GALNT18: variants seen among roughly 807,000 people sequenced by gnomAD.
GALNT18 encodes GalNAc-transferase 18.
GALNT18 carries 44 observed loss-of-function variants against 69.5 expected under a neutral mutation model. The observed-to-expected ratio is 0.63, with a 90% confidence interval of 0.50 to 0.81. The LOEUF is 0.81. Among genes scored for constraint, GALNT18 ranks in the 40% least tolerant of loss-of-function variants. The probability of loss-of-function intolerance (pLI) is 0.00; values close to 1 mark genes in which losing one functional copy is unlikely to be tolerated. For missense variants in GALNT18, 715 were observed against 810.0 expected (o/e 0.88, Z 1.42); for synonymous variants, 364 against 318.2 (o/e 1.14, Z -1.53).
chr11:11,491,314 C>A (rs1564976360), intron 1 of GALNT18, among the ~76,000 whole-genome samples: 1 of 152,224 alleles, frequency 6.6e-6, no homozygotes, highest in Non-Finnish European at 1.5e-5. Flanking sequence ...ATCCAAGAGC[C>A]ATGAGCAGTG....
At chr11:11,330,509 G>A (rs1849999532) in intron 8 of GALNT18, among the ~76,000 whole-genome samples, 1 of 152,184 alleles carries the variant, frequency 6.6e-6, no homozygotes, top group Admixed American at 6.5e-5. Context: ...AGGGAGGGGA[G>A]GCTGGCTGGG....
intron 10 of GALNT18, among the ~76,000 whole-genome samples, chr11:11,276,687 C>G (rs189557207): frequency 6.6e-6 from 1 of 152,084 alleles, no homozygotes; most frequent in Non-Finnish European, 1.5e-5. Flanking sequence ...TATGTTCCAT[C>G]GATACCTAGT....
chr11:11,290,196 G>A (rs4910295), intron 10 of GALNT18, among the ~76,000 whole-genome samples: 45,627 of 152,086 alleles, frequency 0.3, 7,866 homozygotes, highest in Non-Finnish European at 0.37. Flanking sequence ...TGGCCTTAGA[G>A]CCTGTGCTAA....
intron 1 of GALNT18, among the ~76,000 whole-genome samples, chr11:11,553,193 C>T (rs1476167183): frequency 1.3e-5 from 2 of 152,204 alleles, no homozygotes; most frequent in East Asian, 3.9e-4. Context: ...AGTTCGAGAA[C>T]CACTCTGAAG....
chr11:11,357,686 C>T (rs991054903), intron 6 of GALNT18, among the ~76,000 whole-genome samples: 2 of 152,180 alleles, frequency 1.3e-5, no homozygotes, highest in African/African-American at 4.8e-5. Flanking sequence ...CTTAACTTCT[C>T]TGAGCCTCAG....
intron 6 of GALNT18, among the ~76,000 whole-genome samples, chr11:11,367,142 G>A (rs886407125): frequency 6.6e-6 from 1 of 152,164 alleles, no homozygotes; most frequent in Non-Finnish European, 1.5e-5. Flanking sequence ...ATCACTCACA[G>A]CGAGGGATTC....
chr11:11,279,216 CA>C (rs1442606295), intron 10 of GALNT18, among the ~76,000 whole-genome samples: 1 of 152,202 alleles, frequency 6.6e-6, no homozygotes, highest in East Asian at 1.9e-4. Flanking sequence ...CTGCCATAAG[CA>C]AAAGCTTCCT....
chr11:11,385,426 G>A (rs920681782), intron 3 of GALNT18, among the ~76,000 whole-genome samples: 1 of 152,000 alleles, frequency 6.6e-6, no homozygotes, highest in South Asian at 2.1e-4. Context: ...CTCCCCAGCA[G>A]CTGGGACTAC....
rs1849722269 is a variant in GALNT18, at chr11:11,314,717, A to T, written c.1512+12369T>A. Among the ~76,000 whole-genome samples the T allele has an allele frequency of 6.6e-6, 1 of 152,198 alleles. No individual in the cohort carries two copies. The highest frequency in any genetic ancestry group is 2.4e-5 in the African/African-American group (1 of 41,460). On this transcript the variant is annotated intron_variant, in intron 9 of 10. Coordinates refer to ENST00000227756, the MANE Select transcript of GALNT18 (RefSeq NM_198516.3). The surrounding 1 kb of genome is among the most constrained non-coding windows in gnomAD (Gnocchi z 5.2). ...TAACTGCAGGCAGGTTCCAGGGGGC[A>T]GCTGTGAAAGTCCTTTGGGCTATGC...
At position 11,470,947 on chromosome 11, in the gene GALNT18, G is replaced by GGA. The variant is rs1175180768; in HGVS notation, c.236-22012_236-22011insTC. ...CAAACGTCCTGCCAAATGGCTTCTT[G>GGA]ATTTCTCCCCATTCATACTCAGGGG... is the stretch of plus-strand genomic sequence containing the variant. On this transcript the variant is annotated intron_variant, in intron 1 of 10. Coordinates refer to ENST00000227756, the MANE Select transcript of GALNT18 (RefSeq NM_198516.3). This position sits in a 1 kb window ranked among gnomAD's most constrained non-coding sequence, Gnocchi z 4.8. Among the ~76,000 whole-genome samples the GGA allele has an allele frequency of 3.2e-4, 48 of 152,092 alleles. No homozygotes were observed. The highest frequency in any genetic ancestry group is 6.0e-4 in the Non-Finnish European group (41 of 68,020).
At chr11:11,316,390 C>T (rs1404511190) in intron 9 of GALNT18, among the ~76,000 whole-genome samples, 2 of 152,108 alleles carry the variant, frequency 1.3e-5, no homozygotes, top group African/African-American at 4.8e-5. Flanking sequence ...TGAGATGTGA[C>T]GTGAAAGATA....
chr11:11,424,222 G>A (rs1040606377), intron 3 of GALNT18, among the ~76,000 whole-genome samples: 14 of 152,140 alleles, frequency 9.2e-5, no homozygotes, highest in Admixed American at 2.6e-4. Flanking sequence ...TGCATGTGGC[G>A]GCTGTCCTGG....
chr11:11,452,472 G>C (rs182148872), intron 1 of GALNT18, among the ~76,000 whole-genome samples: 5 of 152,334 alleles, frequency 3.3e-5, no homozygotes, highest in African/African-American at 1.2e-4. Flanking sequence ...TCGGGCCGCC[G>C]GAGTTGGGAC....
chr11:11,378,186 T>C (rs928688650), intron 4 of GALNT18, among the ~76,000 whole-genome samples: 3 of 152,226 alleles, frequency 2.0e-5, no homozygotes, highest in Non-Finnish European at 4.4e-5. Flanking sequence ...GGGCCTGTTA[T>C]GGCAGCATCC....
chr11:11,435,799 C>T lies in GALNT18; in HGVS notation c.429-3012G>A, dbSNP rs542743722. On this transcript the variant is annotated intron_variant, in intron 2 of 10. Coordinates refer to ENST00000227756, the MANE Select transcript of GALNT18 (RefSeq NM_198516.3). The surrounding 1 kb of genome is among the most constrained non-coding windows in gnomAD (Gnocchi z 4.4). ...GAGAGTCAGGTCCCGGTCCTCCCGC[C>T]GACCAGCAGGCTCCTGTTCTCCCAT... Among the ~76,000 whole-genome samples the T allele has an allele frequency of 9.2e-5, 14 of 152,300 alleles. No individual in the cohort carries two copies. Among genetic ancestry groups the T allele is most frequent in the African/African-American group, 1.4e-4 (6 of 41,558 alleles).
At chr11:11,403,962 G>A (rs1281113747) in intron 3 of GALNT18, among the ~76,000 whole-genome samples, 1 of 152,228 alleles carries the variant, frequency 6.6e-6, no homozygotes, top group Non-Finnish European at 1.5e-5. Flanking sequence ...GATGGTCGGA[G>A]GATCCCTGTC....
At position 11,621,488 on chromosome 11, in the gene GALNT18, TG is replaced by T; in HGVS notation, c.105del (p.Tyr35Ter). On this transcript the variant is annotated frameshift_variant, in exon 1 of 11. Coordinates refer to ENST00000227756, the MANE Select transcript of GALNT18 (RefSeq NM_198516.3). LOFTEE classifies it high-confidence loss of function. The surrounding 1 kb of genome is among the most constrained non-coding windows in gnomAD (Gnocchi z 9.3). The part of the protein sequence containing the change: ...CLLYVGWVTN[Y>X]IASVYVRGQE... ...TGCCCCCGCACATACACGCTGGCGA[TG>T]TAGTTGGTGACCCAGCCCACGTAGA... 1 of 1,614,016 alleles carries T rather than the reference TG, an allele frequency of 6.2e-7. No homozygotes were observed. Among genetic ancestry groups the T allele is most frequent in the East Asian group, 2.2e-5 (1 of 44,868 alleles).
intron 1 of GALNT18, among the ~76,000 whole-genome samples, chr11:11,481,619 A>G (rs971008214): frequency 2.0e-5 from 3 of 152,076 alleles, no homozygotes; most frequent in Non-Finnish European, 4.4e-5. Flanking sequence ...GTTTCCCAGC[A>G]CTCTGGCCTG....
rs190686601 is a variant in GALNT18, at chr11:11,352,739, C to T, written c.1093-11735G>A. ...AAAATCGAATATCATAGTCTGTTAA[C>T]GTCTGGTACAATTGCTTGAAGTCTG... On this transcript the variant is annotated intron_variant, in intron 6 of 10. Transcript: ENST00000227756. 9.3e-5 allele frequency: 150 copies of T among 1,614,124 alleles called. No homozygotes were observed. In the Middle Eastern group the frequency reaches 1.2e-3, roughly 12 times the overall value.
Sources: allele counts gnomAD v4.1 joint callset (sites outside exome capture counted in the v4.1 genomes callset), GRCh38; gene constraint gnomAD v4.1.1; non-coding constraint Gnocchi (gnomAD v3.1); transcripts MANE v1.5; gene names NCBI Gene and HGNC (gene_info 2026-07-23, HGNC 2026-07-21).